CDKL5: variants seen among roughly 807,000 people sequenced by gnomAD.
The protein encoded by CDKL5 is cyclin dependent kinase like 5, also known as cyclin-dependent kinase-like 5.
In CDKL5, 8 loss-of-function variants were observed where a neutral mutation model predicts 61.7. The observed-to-expected ratio is 0.13, with a 90% CI of 0.08 to 0.23. The LOEUF (loss-of-function observed/expected upper bound fraction) is 0.23, where lower values mean the gene tolerates loss of function less well. CDKL5 is among the 10% of genes least tolerant of loss of function. The pLI is 1.00. For synonymous variants in CDKL5, 275 were observed against 272.3 expected, an observed-to-expected ratio of 1.01 and a Z score of -0.10; for missense variants, 440 against 734.5, an observed-to-expected ratio of 0.60 and a Z score of 4.63.
chrX:18,641,698 C>G (rs774583585), downstream of CDKL5: 3 of 316,582 alleles, frequency 9.5e-6, no homozygotes, highest in Non-Finnish European at 1.7e-5. Flanking sequence ...GCACCTTTCA[C>G]AGTATCACTG....
intron 15 of CDKL5, among the ~76,000 whole-genome samples, chrX:18,616,202 T>G: frequency 8.9e-6 from 1 of 112,274 alleles, no homozygotes; most frequent in African/African-American, 3.2e-5. Flanking sequence ...TAGATCTCTA[T>G]GGAGTGTGTG....
chrX:18,537,857 CT>C (rs1297313969), intron 3 of CDKL5, among the ~76,000 whole-genome samples: 8 of 112,107 alleles, frequency 7.1e-5, no homozygotes, highest in Non-Finnish European at 5.6e-5. Flanking sequence ...TTTTATTGCT[CT>C]TTTTTAGTAT....
intron 14 of CDKL5, among the ~76,000 whole-genome samples, chrX:18,611,514 T>C (rs1926553359): frequency 9.1e-6 from 1 of 110,257 alleles, no homozygotes; most frequent in Non-Finnish European, 1.9e-5. Context: ...TATTGTAACA[T>C]ACATGTGCAA....
At chrX:18,647,564 TA>T (rs1374224853) in intron 20 of CDKL5, 2 of 410,647 alleles carry the variant, frequency 4.9e-6, no homozygotes, top group African/African-American at 5.0e-5. Flanking sequence ...ACAGCCTTTG[TA>T]AAAGCAGAGG....
At chrX:18,547,815 A>G (rs768425263) in intron 3 of CDKL5, among the ~76,000 whole-genome samples, 2 of 112,296 alleles carry the variant, frequency 1.8e-5, no homozygotes, top group South Asian at 7.3e-4. Flanking sequence ...GACAAACTAG[A>G]CACATGTTAG....
rs770332474 is a variant in CDKL5 at position 18,603,206 on chromosome X, A to T, written c.978-696A>T. 5.3e-5 allele frequency among the ~76,000 whole-genome samples: 6 copies of T among 112,301 alleles called. No individual in the cohort carries two copies. The East Asian group carries it at 1.7e-3, about 32-fold the overall frequency. ...TCTCTGTAATCCGGTATAGTACAGG[A>T]TTCCTGTTTACTGTACAAAGAGATA... On this transcript the variant is annotated intron_variant, in intron 11 of 17. Coordinates refer to ENST00000623535, the MANE Select transcript of CDKL5 (RefSeq NM_001323289.2).
chrX:18,541,161 G>A (rs1924010194), intron 3 of CDKL5, among the ~76,000 whole-genome samples: 1 of 111,759 alleles, frequency 8.9e-6, no homozygotes, highest in African/African-American at 3.3e-5. Context: ...AATTACTTTG[G>A]GTTTATCTTG....
In CDKL5 at chrX:18,555,676, T is replaced by C. The variant is rs548007172; in HGVS notation, c.100-8801T>C. On this transcript the variant is annotated intron_variant, in intron 3 of 17. Transcript: ENST00000623535. ...TATCATATAACACTTGTTATACTTT[T>C]TAGCTTTTGTCATGCATTTTTAACT... 3.1e-4 allele frequency among the ~76,000 whole-genome samples: 35 copies of C among 112,500 alleles called. No individual in the cohort carries two copies. In the South Asian group the frequency reaches 0.012, roughly 39 times the overall value.
rs779361711 is a variant in CDKL5 at position 18,518,388 on chromosome X, A to ATTTTTTTTTTTTTTTTTTTTTTT, written c.99+7547_99+7569dup. Among the ~76,000 whole-genome samples, 108 of 21,171 alleles carry ATTTTTTTTTTTTTTTTTTTTTTT rather than the reference A, an allele frequency of 5.1e-3. 21 individuals are homozygous for ATTTTTTTTTTTTTTTTTTTTTTT. The highest frequency in any genetic ancestry group is 7.2e-3 in the Non-Finnish European group (83 of 11,608). 18.4% of individuals were successfully genotyped at this position (21,171 alleles called of 115,157 possible). A position where few individuals can be genotyped will look rare whatever the true frequency, so the allele number is the denominator to read the frequency against. Reference sequence around the variant, plus strand: ...AAGTCATGTTTTCTTTTCTTTTCTTATTTTTTTTTTTTTTTTTTTTTTTTT... The same window carrying ATTTTTTTTTTTTTTTTTTTTTTT: ...AAGTCATGTTTTCTTTTCTTTTCTTATTTTTTTTTTTTTTTTTTTTTTTTTTTTTTTTTTTTTTTTTTTTTTTT... On this transcript the variant is annotated intron_variant, in intron 3 of 17. Coordinates refer to ENST00000623535, the MANE Select transcript of CDKL5 (RefSeq NM_001323289.2).
At chrX:18,472,701 G>A (rs1384615352) in intron 1 of CDKL5, among the ~76,000 whole-genome samples, 1 of 110,580 alleles carries the variant, frequency 9.0e-6, no homozygotes, top group Non-Finnish European at 1.9e-5. Flanking sequence ...CTGATTCTGC[G>A]ACACATCGTT....
rs771275989 is a variant in CDKL5, at chrX:18,528,112, A to G, written c.99+17258A>G. Among the ~76,000 whole-genome samples, 9 of 110,847 alleles carry G rather than the reference A, an allele frequency of 8.1e-5. No individual in the cohort carries two copies. In the South Asian group the frequency reaches 1.5e-3, roughly 19 times the overall value. ...ATATGTTATGGCCCAGTTGTGGTCT[A>G]TCTTGGTAATTGTTCCATGTAAGCT... is the stretch of plus-strand genomic sequence containing the variant. On this transcript the variant is annotated intron_variant, in intron 3 of 17. Transcript: ENST00000623535.
intron 11 of CDKL5, 109 bp downstream of exon 11, chrX:18,598,722 T>G (rs1926089542): frequency 1.4e-6 from 1 of 725,509 alleles, no homozygotes; most frequent in South Asian, 2.2e-5. Flanking sequence ...AAGCCCTCTT[T>G]ATTCAAAAAT....
At chrX:18,645,936 A>G in intron 19 of CDKL5, 1 of 1,205,966 alleles carries the variant, frequency 8.3e-7, no homozygotes, top group Non-Finnish European at 1.1e-6. Flanking sequence ...AGTGGCCAAT[A>G]GAATATGTTT....
At chrX:18,489,501 T>C (rs1921914347) in intron 1 of CDKL5, among the ~76,000 whole-genome samples, 1 of 110,820 alleles carries the variant, frequency 9.0e-6, no homozygotes, top group Non-Finnish European at 1.9e-5. Context: ...ATCTGTTCCA[T>C]AGGAAGCCTC....
chrX:18,483,655 C>T (rs1241931956), intron 1 of CDKL5, among the ~76,000 whole-genome samples: 2 of 109,799 alleles, frequency 1.8e-5, no homozygotes, highest in Admixed American at 1.9e-4. Flanking sequence ...CTCCTGACCT[C>T]GTGATCCACC....
At chrX:18,481,369 T>A (rs1309109678) in intron 1 of CDKL5, among the ~76,000 whole-genome samples, 1 of 91,488 alleles carries the variant, frequency 1.1e-5, no homozygotes, top group Non-Finnish European at 2.2e-5. Flanking sequence ...TCTTTCTTTC[T>A]TTTGAGGCAG....
At chrX:18,539,440 TCC>T (rs1281105004) in intron 3 of CDKL5, among the ~76,000 whole-genome samples, 41 of 112,300 alleles carry the variant, frequency 3.7e-4, no homozygotes, top group African/African-American at 1.0e-3. Context: ...AATTAGAATT[TCC>T]TTTGAGACTA....
At chrX:18,549,892 C>A (rs183361016) in intron 3 of CDKL5, among the ~76,000 whole-genome samples, 9 of 111,453 alleles carry the variant, frequency 8.1e-5, no homozygotes, top group Non-Finnish European at 1.7e-4. Flanking sequence ...GCAGCCACAG[C>A]AGAAGAAAAT....
intron 3 of CDKL5, among the ~76,000 whole-genome samples, chrX:18,553,659 A>G (rs200665245): frequency 9.1e-6 from 1 of 110,424 alleles, no homozygotes; most frequent in African/African-American, 3.3e-5. Context: ...CGCTGGGCTA[A>G]TTTTTTTGTA....
Sources: gnomAD v4.1 joint callset for allele counts (sites outside exome capture counted in the v4.1 genomes callset) on GRCh38, gnomAD v4.1.1 for gene constraint, MANE v1.5 for transcripts, NCBI Gene and HGNC (gene_info 2026-07-23, HGNC 2026-07-21) for gene names.